Variants in TRPM2 observed in about 807,000 individuals in gnomAD.
TRPM2 encodes transient receptor potential cation channel subfamily M member 2.
A neutral mutation model predicts 174.0 loss-of-function variants in TRPM2; 161 were observed. The ratio of observed to expected loss-of-function variants is 0.93; its 90% confidence interval spans 0.81 to 1.05. The LOEUF (loss-of-function observed/expected upper bound fraction) is 1.05. TRPM2 is among the 50% of genes least tolerant of loss of function. TRPM2 has a pLI of 0.00. For missense variants in TRPM2, 2,057 were observed against 2,038.0 expected, an observed-to-expected ratio of 1.01 and a Z score of -0.18; for synonymous variants, 954 against 861.3, an observed-to-expected ratio of 1.11 and a Z score of -1.88.
chr21:44,373,819 A>G (rs1196911252), intron 5 of TRPM2, among the ~76,000 whole-genome samples: 1 of 152,170 alleles, frequency 6.6e-6, no homozygotes. Flanking sequence ...CATCATTTAC[A>G]GTTCTGCTCT....
In TRPM2 at chr21:44,437,132, A is replaced by T. The variant is rs761862684; in HGVS notation, c.4132A>T (p.Lys1378Ter). The change falls in exon 29 of 32, where the codon AAG (lysine) becomes TAG (stop). Residue 1378 changes from lysine (K) to a stop codon, truncating the protein, a stop_gained. Transcript: ENST00000397928. LOFTEE classifies it high-confidence loss of function. ...GAAGATGCTGGAAGTGCTGGTGGTG[A>T]AGCTCCCTCTCTCCGAGCACTGGGC... ...IKKMLEVLVV[K>*]LPLSEHWALP... The T allele has an allele frequency of 6.4e-7, 1 of 1,551,332 alleles. No homozygotes were observed. Among genetic ancestry groups the T allele is most frequent in the South Asian group, 1.2e-5 (1 of 84,064 alleles).
At chr21:44,396,342 G>A (rs1227296304) in intron 12 of TRPM2, among the ~76,000 whole-genome samples, 1 of 9,670 alleles carries the variant, frequency 1.0e-4, no homozygotes, top group East Asian at 2.3e-3. Context: ...GGGTGTGGAG[G>A]GCTGTGGAGG....
At chr21:44,408,785 G>A (rs1390572410) in intron 19 of TRPM2, among the ~76,000 whole-genome samples, 1 of 151,298 alleles carries the variant, frequency 6.6e-6, no homozygotes, top group Non-Finnish European at 1.5e-5. Flanking sequence ...AGCCTCCCGA[G>A]TAGCTGGGAC....
intron 5 of TRPM2, 39 bp downstream of exon 5, chr21:44,369,382 G>C: frequency 1.3e-6 from 2 of 1,577,398 alleles, no homozygotes; most frequent in Non-Finnish European, 1.7e-6. Context: ...CTAAGACCAG[G>C]GGTGTGGGTG....
At position 44,399,487 on chromosome 21, in the gene TRPM2, T is replaced by A. The variant is rs2049541668; in HGVS notation, c.2208+46T>A. 4 of 1,579,102 alleles carry A rather than the reference T, an allele frequency of 2.5e-6. No individual in the cohort carries two copies. Among genetic ancestry groups the A allele is most frequent in the Non-Finnish European group, 3.4e-6 (4 of 1,161,816 alleles). ...TCCAGAAACAGACGCCTGTGGTGCC[T>A]GCAGGGCGGACACAGCCTCCTGTTC... On this transcript the variant is annotated intron_variant, in intron 14 of 31. Transcript: ENST00000397928. This position sits in a 1 kb window ranked among gnomAD's most constrained non-coding sequence, Gnocchi z 4.6.
intron 8 of TRPM2, among the ~76,000 whole-genome samples, chr21:44,381,363 C>A (rs2048873357): frequency 6.6e-6 from 1 of 151,698 alleles, no homozygotes; most frequent in Non-Finnish European, 1.5e-5. Flanking sequence ...AGTAGACATA[C>A]CTGCTAGGGA....
chr21:44,440,868 A>G lies in TRPM2; in HGVS notation c.4349A>G (p.Gln1450Arg), dbSNP rs973381096. ...ACGGTGGCCGTCAGCGTCCACTTCC[A>G]GGACCAGAATGACGTGGAGCTGAAC... ...IETVAVSVHF[Q>R]DQNDVELNRL... is the part of the protein sequence containing the mutation. Residue 1450 changes from glutamine to arginine, a missense_variant, in exon 31 of 32, where the codon CAG (glutamine) becomes CGG (arginine). By Grantham distance (43) the Gln-to-Arg change is conservative (BLOSUM62 1). Coordinates refer to ENST00000397928, the MANE Select transcript of TRPM2 (RefSeq NM_003307.4). The G allele has an allele frequency of 6.2e-7, 1 of 1,613,934 alleles. No homozygotes were observed. The highest frequency in any genetic ancestry group is 8.5e-7 in the Non-Finnish European group (1 of 1,179,960).
At chr21:44,414,257 T>C (rs2050202954) in intron 20 of TRPM2, among the ~76,000 whole-genome samples, 183 bp downstream of exon 20, 1 of 152,142 alleles carries the variant, frequency 6.6e-6, no homozygotes, top group Non-Finnish European at 1.5e-5. Flanking sequence ...CTGCGTCTCT[T>C]GAGCTGGCGT....
chr21:44,394,710 T>C (rs1175004098), intron 11 of TRPM2, among the ~76,000 whole-genome samples: 4 of 152,044 alleles, frequency 2.6e-5, no homozygotes, highest in Non-Finnish European at 5.9e-5. Flanking sequence ...CTTAGGAAGG[T>C]CCAAAGCAGA....
rs367734162 is a variant in TRPM2, at chr21:44,377,729, C to G, written c.970C>G (p.Pro324Ala). 6.2e-7 allele frequency: 1 copy of G among 1,614,188 alleles called. No individual in the cohort carries two copies. Among genetic ancestry groups the G allele is most frequent in the African/African-American group, 1.3e-5 (1 of 75,070 alleles). ...KERGGVAIKI[P>A]IVCVVLEGGP... The stretch of plus-strand genomic sequence containing the variant: ...TTTTCTAGGTGTGGCCATCAAGATC[C>G]CCATCGTGTGCGTGGTGCTGGAGGG... The change falls in exon 7 of 32, where the codon CCC becomes GCC. Residue 324 changes from proline to alanine, a missense_variant. Physicochemically the swap from Pro to Ala is conservative, Grantham distance 27. Coordinates refer to ENST00000397928, the MANE Select transcript of TRPM2 (RefSeq NM_003307.4).
At chr21:44,428,058 C>G (rs1000133480) in intron 27 of TRPM2, among the ~76,000 whole-genome samples, 6 of 152,156 alleles carry the variant, frequency 3.9e-5, no homozygotes, top group Non-Finnish European at 7.4e-5. Flanking sequence ...CAGGACTTGG[C>G]AGGACGTGGT....
chr21:44,430,154 C>T (rs1195983769), intron 27 of TRPM2, among the ~76,000 whole-genome samples: 2 of 152,110 alleles, frequency 1.3e-5, no homozygotes, highest in Non-Finnish European at 1.5e-5. Flanking sequence ...AGTTAATTTA[C>T]TAACATTTTA....
At position 44,369,262 on chromosome 21, in the gene TRPM2, C is replaced by T; in HGVS notation, c.690C>T (p.Ser230=). ...EAVRDFSLSS[S]YKEGELITIG... The stretch of plus-strand genomic sequence containing the variant: ...TGCGGGACTTCAGCCTGAGCAGCAG[C>T]TACAAGGAAGGCGAGCTCATCACCA... The change falls in exon 5 of 32, where the codon AGC becomes AGT. Residue 230 remains serine, a synonymous_variant. Transcript: ENST00000397928. 6.2e-7 allele frequency: 1 copy of T among 1,613,834 alleles called. No homozygotes were observed. The highest frequency in any genetic ancestry group is 1.1e-5 in the South Asian group (1 of 91,090).
Position 44,391,132 on chromosome 21 carries a change from C to A in TRPM2, c.1440+107C>A. 1.9e-6 allele frequency: 3 copies of A among 1,570,300 alleles called. No homozygotes were observed. Among genetic ancestry groups the A allele is most frequent in the Non-Finnish European group, 1.7e-6 (2 of 1,152,954 alleles). On this transcript the variant is annotated intron_variant, in intron 10 of 31. Coordinates refer to ENST00000397928, the MANE Select transcript of TRPM2 (RefSeq NM_003307.4). The surrounding 1 kb of genome is among the most constrained non-coding windows in gnomAD (Gnocchi z 5.0). ...GCATTGTCTGGATCCCAGCCCTTCC[C>A]TTGAGGGTGGGTGACCTGGGCAGCT...
rs868536567 is a variant in TRPM2, at chr21:44,427,238, G to A, written c.3974+127G>A. 9.0e-5 allele frequency: 73 copies of A among 811,574 alleles called. 1 individual carries two copies. The Middle Eastern group carries it at 3.4e-3, about 38-fold the overall frequency. The allele number at this position is 811,574 out of a possible 1,614,324, so 50.3% of individuals were successfully genotyped here. On this transcript the variant is annotated intron_variant, in intron 27 of 31. Transcript: ENST00000397928. ...AATCAAAAAAAGCACGTGAGCCACCGAAAGGAAGAAAACATCAACTCACTG... is the reference window on the plus strand; with the variant it reads ...AATCAAAAAAAGCACGTGAGCCACCAAAAGGAAGAAAACATCAACTCACTG...
In TRPM2 at chr21:44,376,856, C is replaced by T. The variant is rs1334991729; in HGVS notation, c.952+843C>T. Among the ~76,000 whole-genome samples, 1 of 152,234 alleles carries T rather than the reference C, an allele frequency of 6.6e-6. No homozygotes were observed. The highest frequency in any genetic ancestry group is 1.5e-5 in the Non-Finnish European group (1 of 68,052). On this transcript the variant is annotated intron_variant, in intron 6 of 31. Transcript: ENST00000397928. This position sits in a 1 kb window ranked among gnomAD's most constrained non-coding sequence, Gnocchi z 4.2. ...CCAGCCCCAGGGTCCAACTCAGCAG[C>T]TCCAGGTGGGCTGAGAACTTGCATT...
rs1341960533 is a variant in TRPM2, at chr21:44,375,921, T to C, written c.860T>C (p.Val287Ala). The change falls in exon 6 of 32, where the codon GTG (valine) becomes GCG (alanine). Residue 287 changes from valine to alanine, a missense_variant. Transcript: ENST00000397928. ...LDSNHSHFIL[V>A]DDGTHGQYGV... is the part of the protein sequence containing the mutation. ...AGCAACCACTCTCACTTCATCCTCG[T>C]GGACGACGGGACCCACGGCCAGTAC... is the stretch of plus-strand genomic sequence containing the variant. The C allele has an allele frequency of 6.2e-7, 1 of 1,613,972 alleles. No individual in the cohort carries two copies. Among genetic ancestry groups the C allele is most frequent in the Admixed American group, 1.7e-5 (1 of 59,994 alleles).
chr21:44,361,082 C>T (rs985116141), intron 2 of TRPM2, among the ~76,000 whole-genome samples: 4 of 152,188 alleles, frequency 2.6e-5, no homozygotes, highest in Non-Finnish European at 5.9e-5. Flanking sequence ...CTACATGACC[C>T]GTGTCTTTTT....
chr21:44,421,435 C>T (rs1250027142), intron 22 of TRPM2, among the ~76,000 whole-genome samples: 1 of 152,060 alleles, frequency 6.6e-6, no homozygotes, highest in Non-Finnish European at 1.5e-5. Flanking sequence ...GGAAGTTGGG[C>T]GCCTCCAGTT....
Sources: allele counts gnomAD v4.1 joint callset (sites outside exome capture counted in the v4.1 genomes callset), GRCh38; gene constraint gnomAD v4.1.1; non-coding constraint Gnocchi (gnomAD v3.1); transcripts MANE v1.5; gene names NCBI Gene and HGNC (gene_info 2026-07-23, HGNC 2026-07-21).